Variants in SPINK13 observed in about 807,000 individuals in gnomAD.
SPINK13 encodes serine protease inhibitor Kazal-type 13.
Under a neutral mutation model 11.0 loss-of-function variants are expected in SPINK13, and 11 were observed. That is an observed-to-expected ratio of 1.00 (90% CI 0.63 to 1.65). The LOEUF is 1.65. Ranked by LOEUF, SPINK13 falls within the 40% of genes most tolerant of loss-of-function variation. The pLI is 0.00. For synonymous variants in SPINK13, 31 were observed against 35.6 expected, an observed-to-expected ratio of 0.87 and a Z score of 0.46; for missense variants, 113 against 117.7, an observed-to-expected ratio of 0.96 and a Z score of 0.19.
At chr5:148,269,525 C>A (rs1010462427) in intron 1 of SPINK13, among the ~76,000 whole-genome samples, 3 of 152,022 alleles carry the variant, frequency 2.0e-5, no homozygotes, top group African/African-American at 7.3e-5. Flanking sequence ...AGAAATTTAG[C>A]TGGGAAATAA....
At chr5:148,284,196 T>TTTCC (rs1756559310) in intron 4 of SPINK13, among the ~76,000 whole-genome samples, 1 of 137,578 alleles carries the variant, frequency 7.3e-6, no homozygotes, top group Non-Finnish European at 1.5e-5. Flanking sequence ...CTTCCCTTCC[T>TTTCC]TTCCTTCCTT....
At chr5:148,284,104 TCCTC>T (rs759461913) in intron 4 of SPINK13, among the ~76,000 whole-genome samples, 70 of 148,298 alleles carry the variant, frequency 4.7e-4, no homozygotes, top group Admixed American at 1.0e-3. Context: ...TTTCCTTCCT[TCCTC>T]CCTCCCTCCC....
rs138321621 is a variant in SPINK13 at position 148,269,171 on chromosome 5, C to G, written c.-34+283C>G. 6.4e-4 allele frequency among the ~76,000 whole-genome samples: 98 copies of G among 152,284 alleles called. 1 individual carries two copies. Among genetic ancestry groups the G allele is most frequent in the African/African-American group, 2.3e-3 (96 of 41,568 alleles). Reference sequence around the variant, plus strand: ...CTTCTCCCTGGGCCTAAATATTTCACTCCTAGCAAAGAAAAGTTGGGCTAA... The same window carrying G: ...CTTCTCCCTGGGCCTAAATATTTCAGTCCTAGCAAAGAAAAGTTGGGCTAA... On this transcript the variant is annotated intron_variant, in intron 1 of 4. Coordinates refer to ENST00000398450, the MANE Select transcript of SPINK13 (RefSeq NM_001040129.3).
intron 2 of SPINK13, chr5:148,270,866 AG>A (rs1425752145): frequency 6.6e-6 from 1 of 152,266 alleles, no homozygotes; most frequent in Non-Finnish European, 1.5e-5. Flanking sequence ...GTGCAGTAAA[AG>A]GGCCATGGGC....
At chr5:148,270,006 G>C in intron 1 of SPINK13, 34 bp from the exon 2 acceptor site, 2 of 1,498,404 alleles carry the variant, frequency 1.3e-6, no homozygotes, top group East Asian at 2.3e-5. Flanking sequence ...CTAGCTGTGG[G>C]GGAAACTAAA....
In SPINK13 at chr5:148,271,210, G is replaced by A. The variant is rs555517978; in HGVS notation, c.70+1068G>A. On this transcript the variant is annotated intron_variant, in intron 2 of 4. Transcript: ENST00000398450. ...TTTAAAAATGTAGCTATTATCAATT[G>A]ATTGCCTGCTATGTGTAGGTTCTCT... Among the ~76,000 whole-genome samples, 204 of 152,278 alleles carry A rather than the reference G, an allele frequency of 1.3e-3. 5 individuals are homozygous for A. Among genetic ancestry groups the A allele is most frequent in the Admixed American group, 7.2e-4 (11 of 15,296 alleles).
chr5:148,278,989 G>A (rs530164240), intron 3 of SPINK13, among the ~76,000 whole-genome samples: 60 of 149,690 alleles, frequency 4.0e-4, no homozygotes, highest in Non-Finnish European at 4.7e-4. Flanking sequence ...AGCTCTTCTT[G>A]TTGTATTGAT....
intron 4 of SPINK13, among the ~76,000 whole-genome samples, chr5:148,283,934 A>G (rs971182649): frequency 1.3e-5 from 2 of 152,192 alleles, no homozygotes; most frequent in African/African-American, 4.8e-5. Context: ...CCGGACTATT[A>G]CTTCACAACT....
intron 3 of SPINK13, among the ~76,000 whole-genome samples, chr5:148,279,674 C>T (rs1756484150): frequency 6.6e-6 from 1 of 152,240 alleles, no homozygotes; most frequent in South Asian, 2.1e-4. Context: ...GGCTTCTTTC[C>T]ATGGGTAAAC....
At chr5:148,274,474 A>G in intron 3 of SPINK13, 90 bp downstream of exon 3, 1 of 1,066,818 alleles carries the variant, frequency 9.4e-7, no homozygotes, top group Non-Finnish European at 1.4e-6. Flanking sequence ...AAAGTCAGGC[A>G]CAGTGGCTCA....
chr5:148,274,215 G>A, intron 2 of SPINK13, 132 bp from the exon 3 acceptor site: 1 of 538,430 alleles, frequency 1.9e-6, no homozygotes, highest in Non-Finnish European at 3.3e-6. Context: ...AAATTCTATT[G>A]CTATTAAAAT....
At chr5:148,271,857 C>T (rs1039402200) in intron 2 of SPINK13, among the ~76,000 whole-genome samples, 1 of 151,852 alleles carries the variant, frequency 6.6e-6, no homozygotes, top group Non-Finnish European at 1.5e-5. Context: ...ATCTCCTGAC[C>T]TCGTGATCCG....
At chr5:148,276,761 T>C (rs542860111) in intron 3 of SPINK13, among the ~76,000 whole-genome samples, 50 of 152,360 alleles carry the variant, frequency 3.3e-4, no homozygotes, top group African/African-American at 1.1e-3. Flanking sequence ...CTGTATGGGC[T>C]CTTTTTTGGT....
At chr5:148,272,080 C>T (rs1478520176) in intron 2 of SPINK13, among the ~76,000 whole-genome samples, 1 of 152,110 alleles carries the variant, frequency 6.6e-6, no homozygotes, top group Non-Finnish European at 1.5e-5. Flanking sequence ...TGAATAATAT[C>T]CCAATGTGCG....
At chr5:148,270,792 A>T (rs967357344) in intron 2 of SPINK13, 1 of 152,314 alleles carries the variant, frequency 6.6e-6, no homozygotes, top group African/African-American at 2.4e-5. Context: ...AAGGATTCTT[A>T]TCAGAGGGAG....
At chr5:148,278,071 A>G (rs1326106452) in intron 3 of SPINK13, among the ~76,000 whole-genome samples, 2 of 152,142 alleles carry the variant, frequency 1.3e-5, no homozygotes, top group African/African-American at 2.4e-5. Flanking sequence ...AGAGATGTTT[A>G]TAGTATTCTC....
intron 3 of SPINK13, 22 bp downstream of exon 3, chr5:148,274,406 C>T (rs1756394283): frequency 6.2e-7 from 1 of 1,600,340 alleles, no homozygotes; most frequent in Non-Finnish European, 8.6e-7. Context: ...TTTCTCAGTT[C>T]TAGGTTGTAA....
intron 1 of SPINK13, 92 bp from the exon 2 acceptor site, chr5:148,269,948 C>A: frequency 5.8e-6 from 5 of 862,100 alleles, no homozygotes; most frequent in Non-Finnish European, 9.1e-6. Flanking sequence ...GGCAAGTGTA[C>A]AGGAATGGTA....
intron 3 of SPINK13, among the ~76,000 whole-genome samples, chr5:148,279,650 CTG>C (rs1756483863): frequency 6.6e-6 from 1 of 152,204 alleles, no homozygotes; most frequent in Admixed American, 6.5e-5. Flanking sequence ...GAGAGATCCA[CTG>C]TTAGTTTGAT....
Sources: allele counts gnomAD v4.1 joint callset (sites outside exome capture counted in the v4.1 genomes callset), GRCh38; gene constraint gnomAD v4.1.1; transcripts MANE v1.5; gene names NCBI Gene and HGNC (gene_info 2026-07-23, HGNC 2026-07-21).